ZRANB1: variants seen among roughly 807,000 people sequenced by gnomAD.
ZRANB1 encodes the protein zinc finger RANBP2-type containing 1.
In ZRANB1, 16 loss-of-function variants were observed where a neutral mutation model predicts 80.5. That is an observed-to-expected ratio of 0.20 (90% CI 0.13 to 0.30). The LOEUF (loss-of-function observed/expected upper bound fraction) is 0.30, where lower values mean the gene tolerates loss of function less well. ZRANB1 is among the 10% of genes least tolerant of loss of function. The pLI is 1.00. For missense variants in ZRANB1, 576 were observed against 862.6 expected (o/e 0.67, Z 4.16); for synonymous variants, 291 against 293.1 (o/e 0.99, Z 0.07).
the ZRANB1 span, among the ~76,000 whole-genome samples, chr10:124,919,469 C>T: frequency 6.6e-6 from 1 of 151,790 alleles, no homozygotes. Context: ...ATCTCTTGAA[C>T]GCCGGAGGCG....
At chr10:124,938,143 G>C (rs1368073576), upstream of ZRANB1, among the ~76,000 whole-genome samples, 2 of 152,134 alleles carry the variant, frequency 1.3e-5, no homozygotes, top group African/African-American at 4.8e-5. Flanking sequence ...TTAACTTTTA[G>C]AGCTGGCTAC....
chr10:124,974,270 T>C lies in ZRANB1; in HGVS notation c.1299T>C (p.Tyr433=). Residue 433 remains tyrosine (Y), a synonymous_variant, in exon 5 of 9, where the codon TAT becomes TAC. Transcript: ENST00000359653. ...CTACACGTTTGGACAGTCGACTGTA[T>C]GCACTTTGGAACCGGACTGCAGGAG... The part of the protein sequence containing the change: ...ELATRLDSRL[Y]ALWNRTAGDC... 1 of 1,614,260 alleles carries C rather than the reference T, an allele frequency of 6.2e-7. No individual in the cohort carries two copies. The highest frequency in any genetic ancestry group is 1.7e-5 in the Admixed American group (1 of 60,030).
chr10:124,945,219 A>G (rs773370769), intron 1 of ZRANB1: 16 of 152,168 alleles, frequency 1.1e-4, no homozygotes, highest in Non-Finnish European at 2.4e-4. Flanking sequence ...GAAACTATGT[A>G]CCCATTAAGC....
the ZRANB1 span, among the ~76,000 whole-genome samples, chr10:124,922,322 ATATGTATATATATAT>A: frequency 9.4e-4 from 14 of 14,816 alleles, 1 homozygote; most frequent in African/African-American, 1.3e-3. Flanking sequence ...TATGTAAAAT[ATATGTATATATATAT>A]TTTTTTTTTA....
chr10:124,954,140 GTTTTTT>G (rs55962412), intron 1 of ZRANB1, among the ~76,000 whole-genome samples: 5 of 52,534 alleles, frequency 9.5e-5, no homozygotes, highest in African/African-American at 1.7e-4. Context: ...GCTAATTCCT[GTTTTTT>G]TTTTTTTTTT....
chr10:124,926,069 A>G, the ZRANB1 span, among the ~76,000 whole-genome samples: 10 of 152,226 alleles, frequency 6.6e-5, no homozygotes, highest in African/African-American at 2.4e-4. Context: ...AAACATAGAA[A>G]AAGCACAGTA....
chr10:124,929,343 C>CTTTT, the ZRANB1 span, among the ~76,000 whole-genome samples: 1 of 140,806 alleles, frequency 7.1e-6, no homozygotes, highest in African/African-American at 2.6e-5. Context: ...GGCACAGATT[C>CTTTT]TTTTTTTTTT....
chr10:124,922,899 G>A, the ZRANB1 span, among the ~76,000 whole-genome samples: 1 of 152,206 alleles, frequency 6.6e-6, no homozygotes, highest in Non-Finnish European at 1.5e-5. Context: ...TCATGTGGCT[G>A]TAGTCCCAGC....
At position 124,983,357 on chromosome 10, in the gene ZRANB1, G is replaced by C; in HGVS notation, c.1678+53G>C. ...AAGTTTCTTTGAACGGAATGGCTCAGATGTCAGGAAGGAGCAGTGGACAGG... is the reference window on the plus strand; with the variant it reads ...AAGTTTCTTTGAACGGAATGGCTCACATGTCAGGAAGGAGCAGTGGACAGG... On this transcript the variant is annotated intron_variant, in intron 7 of 8. Transcript: ENST00000359653. The surrounding 1 kb of genome is among the most constrained non-coding windows in gnomAD (Gnocchi z 6.2). The C allele has an allele frequency of 6.2e-7, 1 of 1,605,402 alleles. No homozygotes were observed. The highest frequency in any genetic ancestry group is 8.5e-7 in the Non-Finnish European group (1 of 1,174,740).
At chr10:124,923,201 T>C in the ZRANB1 span, among the ~76,000 whole-genome samples, 1 of 150,212 alleles carries the variant, frequency 6.7e-6, no homozygotes, top group African/African-American at 2.5e-5. Flanking sequence ...GCAGGAGAAT[T>C]GCTTGAACCC....
the ZRANB1 span, among the ~76,000 whole-genome samples, chr10:124,919,493 G>T: frequency 6.6e-6 from 1 of 151,952 alleles, no homozygotes; most frequent in African/African-American, 2.4e-5. Flanking sequence ...GTTGCTGCGA[G>T]CCGAGATCCA....
intron 1 of ZRANB1, chr10:124,962,478 A>T (rs1951741470): frequency 1.1e-6 from 1 of 874,392 alleles, no homozygotes. Flanking sequence ...ATTTTATGTC[A>T]TAAAGGAAAA....
chr10:124,940,880 G>A (rs548355969), upstream of ZRANB1, among the ~76,000 whole-genome samples: 7 of 152,164 alleles, frequency 4.6e-5, no homozygotes, highest in South Asian at 1.4e-3. Flanking sequence ...GGGAGGCTGA[G>A]GCAGGAGAAT....
At chr10:124,927,245 G>A in the ZRANB1 span, among the ~76,000 whole-genome samples, 1 of 152,172 alleles carries the variant, frequency 6.6e-6, no homozygotes, top group East Asian at 1.9e-4. Flanking sequence ...GTGAGCCACC[G>A]CGCCCGGCCC....
the ZRANB1 span, among the ~76,000 whole-genome samples, chr10:124,923,796 A>G: frequency 6.6e-6 from 1 of 151,768 alleles, no homozygotes; most frequent in African/African-American, 2.4e-5. Flanking sequence ...CAAGAACAGC[A>G]TAGGGGAAAC....
At chr10:124,941,125 A>G (rs993036664), upstream of ZRANB1, among the ~76,000 whole-genome samples, 1 of 152,126 alleles carries the variant, frequency 6.6e-6, no homozygotes, top group Non-Finnish European at 1.5e-5. Context: ...TCCGGGTGAA[A>G]AATAGGTGTT....
intron 1 of ZRANB1, among the ~76,000 whole-genome samples, chr10:124,963,256 ACT>A (rs1215471609): frequency 7.8e-6 from 1 of 127,824 alleles, no homozygotes; most frequent in Non-Finnish European, 1.6e-5. Context: ...ACAGAGCAAG[ACT>A]CTGTCTCAAA....
At chr10:124,932,059 C>T in the ZRANB1 span, among the ~76,000 whole-genome samples, 5 of 152,270 alleles carry the variant, frequency 3.3e-5, no homozygotes, top group South Asian at 1.0e-3. Context: ...TAGTTGGAAT[C>T]ATACATTATG....
At chr10:124,971,395 C>T (rs1413876066) in intron 2 of ZRANB1, among the ~76,000 whole-genome samples, 1 of 152,238 alleles carries the variant, frequency 6.6e-6, no homozygotes, top group Non-Finnish European at 1.5e-5. Context: ...GGTTGGCAGT[C>T]TGTGTTTAAA....
Sources: gnomAD v4.1 joint callset for allele counts (sites outside exome capture counted in the v4.1 genomes callset) on GRCh38, gnomAD v4.1.1 for gene constraint, Gnocchi (gnomAD v3.1) non-coding constraint, MANE v1.5 for transcripts, NCBI Gene and HGNC (gene_info 2026-07-23, HGNC 2026-07-21) for gene names.